Variants in KCNV2 observed in about 807,000 individuals in gnomAD.
KCNV2 encodes the protein potassium voltage-gated channel subfamily V member 2.
KCNV2 carries 65 observed loss-of-function variants against 37.0 expected under a neutral mutation model. That is an observed-to-expected ratio of 1.76 (90% CI 1.44 to 2.16). The LOEUF (loss-of-function observed/expected upper bound fraction) is 2.16, where lower values mean the gene tolerates loss of function less well. Among genes scored for constraint, KCNV2 ranks in the 30% most tolerant of loss-of-function variants. The probability of loss-of-function intolerance (pLI) is 0.00; values close to 1 mark genes in which losing one functional copy is unlikely to be tolerated. For missense variants in KCNV2, 1,232 were observed against 766.7 expected (o/e 1.61, Z -7.17); for synonymous variants, 518 against 328.6 (o/e 1.58, Z -6.23).
rs755310140 is a variant in KCNV2 at position 2,718,330 on chromosome 9, C to G, written c.591C>G (p.Arg197=). ...YWGVRLKYTP[R]CCRICFEERR... ...GCGTGCGGCTCAAGTACACGCCACG[C>G]TGCTGCCGCATCTGCTTCGAGGAGC... is the stretch of plus-strand genomic sequence containing the variant. The change falls in exon 1 of 2, where the codon CGC becomes CGG. Residue 197 remains arginine (R), a synonymous_variant. Transcript: ENST00000382082. 3.1e-6 allele frequency: 5 copies of G among 1,603,766 alleles called. No individual in the cohort carries two copies. The African/African-American group carries it at 4.0e-5, about 13-fold the overall frequency.
In KCNV2 at chr9:2,729,666, A is replaced by C. The variant is rs1820033366; in HGVS notation, c.1577A>C (p.Lys526Thr). 2.5e-6 allele frequency: 4 copies of C among 1,614,060 alleles called. No homozygotes were observed. Among genetic ancestry groups the C allele is most frequent in the Non-Finnish European group, 1.7e-6 (2 of 1,180,024 alleles). Residue 526 changes from lysine to threonine, a missense_variant, in exon 2 of 2, where the codon AAG (lysine) becomes ACG (threonine). By Grantham distance (78) the Lys-to-Thr change is moderately conservative. Coordinates refer to ENST00000382082, the MANE Select transcript of KCNV2 (RefSeq NM_133497.4). ...GTGAACTTCATGCAGAGAGCCAGAA[A>C]GAAGATAGCTGAGTGTTTGCTTGGA... The part of the protein sequence containing the change: ...GEVNFMQRAR[K>T]KIAECLLGSN...
chr9:2,725,495 G>A (rs934602870), intron 1 of KCNV2, among the ~76,000 whole-genome samples: 3 of 152,198 alleles, frequency 2.0e-5, no homozygotes, highest in Non-Finnish European at 2.9e-5. Context: ...AACCATCAAG[G>A]TGGATATGAC....
chr9:2,721,940 T>C (rs999195955), intron 1 of KCNV2, among the ~76,000 whole-genome samples: 3 of 151,948 alleles, frequency 2.0e-5, no homozygotes, highest in African/African-American at 7.2e-5. Flanking sequence ...ACTGATCTAG[T>C]GGTTTCTAAG....
At chr9:2,721,042 T>A (rs1819858120) in intron 1 of KCNV2, among the ~76,000 whole-genome samples, 1 of 152,308 alleles carries the variant, frequency 6.6e-6, no homozygotes, top group East Asian at 1.9e-4. Flanking sequence ...ATGTTTTTCA[T>A]AAATTTTACA....
Position 2,717,511 on chromosome 9 carries a change from G to C in KCNV2, c.-229G>C, listed in dbSNP as rs540960018. ...TGCTTCTTCCAAATCAGCAAGATTA[G>C]AGCAGTCAACAGCTGACTGCGTTCA... is the stretch of plus-strand genomic sequence containing the variant. On this transcript the variant is annotated 5_prime_UTR_variant, in exon 1 of 2. Transcript: ENST00000382082. The C allele has an allele frequency of 1.0e-5, 6 of 585,044 alleles. No homozygotes were observed. The highest frequency in any genetic ancestry group is 5.6e-5 in the African/African-American group (3 of 53,738). 36.2% of individuals were successfully genotyped at this position (585,044 alleles called of 1,614,324 possible).
chr9:2,720,945 A>G (rs1252845829), intron 1 of KCNV2, among the ~76,000 whole-genome samples: 1 of 152,202 alleles, frequency 6.6e-6, no homozygotes, highest in Non-Finnish European at 1.5e-5. Context: ...TCTCACTTAA[A>G]TTTCTGATCT....
rs1175089913 is a variant in KCNV2 at position 2,718,371 on chromosome 9, G to T, written c.632G>T (p.Ser211Ile). ...TTCGAGGAGCGGCGCGACGAGCTGA[G>T]CGAACGGCTCAAGATCCAGCACGAG... ...ICFEERRDELSERLKIQHELR... is the reference protein window; with the variant it reads ...ICFEERRDELIERLKIQHELR... The change falls in exon 1 of 2, where the codon AGC (serine) becomes ATC (isoleucine). Residue 211 changes from serine (S) to isoleucine (I), a missense_variant. Coordinates refer to ENST00000382082, the MANE Select transcript of KCNV2 (RefSeq NM_133497.4). 2 of 1,599,742 alleles carry T rather than the reference G, an allele frequency of 1.3e-6. No homozygotes were observed. Among genetic ancestry groups the T allele is most frequent in the Non-Finnish European group, 1.7e-6 (2 of 1,174,806 alleles).
At position 2,719,111 on chromosome 9, in the gene KCNV2, C is replaced by T. The variant is rs750825755; in HGVS notation, c.1356+16C>T. ...GTGGGCCGCGGTGAGTACCTTTGCC[C>T]TGGGCTTTCCCATCCTCTTCCCCAG... On this transcript the variant is annotated intron_variant, in intron 1 of 1. Coordinates refer to ENST00000382082, the MANE Select transcript of KCNV2 (RefSeq NM_133497.4). The T allele has an allele frequency of 1.1e-5, 18 of 1,605,122 alleles. No homozygotes were observed. The Middle Eastern group carries it at 8.5e-4, about 76-fold the overall frequency.
rs138861317 is a variant in KCNV2 at position 2,718,495 on chromosome 9, G to A, written c.756G>A (p.Lys252=). 174 of 1,610,946 alleles carry A rather than the reference G, an allele frequency of 1.1e-4. 1 individual carries two copies. In the African/African-American group the frequency reaches 2.1e-3, roughly 19 times the overall value. ...GCCGCCTCTGGAACCTCATGGAGAA[G>A]CCATTCTCCTCGGTGGCCGCCAAGG... ...QRRRLWNLME[K]PFSSVAAKAI... is the part of the protein sequence containing the mutation. The change falls in exon 1 of 2, where the codon AAG becomes AAA. Residue 252 remains lysine, a synonymous_variant. Coordinates refer to ENST00000382082, the MANE Select transcript of KCNV2 (RefSeq NM_133497.4).
In KCNV2 at chr9:2,718,880, C is replaced by CTCATGCGCA; in HGVS notation, c.1144_1152dup (p.Met382_Ile384dup). 4 of 1,608,918 alleles carry CTCATGCGCA rather than the reference C, an allele frequency of 2.5e-6. No individual in the cohort carries two copies. The highest frequency in any genetic ancestry group is 3.4e-6 in the Non-Finnish European group (4 of 1,179,936). On this transcript the variant is annotated inframe_insertion, in exon 1 of 2. Coordinates refer to ENST00000382082, the MANE Select transcript of KCNV2 (RefSeq NM_133497.4). ...GGGTCAGGTGTTGCGCGTCATGCGC[C>CTCATGCGCA]TCATGCGCATCTTCCGCATCCTCAA...
At position 2,729,607 on chromosome 9, in the gene KCNV2, T is replaced by C. The variant is rs548326379; in HGVS notation, c.1518T>C (p.Tyr506=). Residue 506 remains tyrosine (Y), a synonymous_variant, in exon 2 of 2, where the codon TAT becomes TAC. Coordinates refer to ENST00000382082, the MANE Select transcript of KCNV2 (RefSeq NM_133497.4). ...ATTACTACAGCAAGCTGAAGGCTTA[T>C]GAGTATACCACCATACGCAGGGAGA... ...FSDYYSKLKA[Y]EYTTIRRERG... 12 of 1,614,134 alleles carry C rather than the reference T, an allele frequency of 7.4e-6. No homozygotes were observed. Among genetic ancestry groups the C allele is most frequent in the Middle Eastern group, 1.6e-4 (1 of 6,062 alleles).
At chr9:2,720,219 G>A (rs149109807) in intron 1 of KCNV2, among the ~76,000 whole-genome samples, 2 of 152,322 alleles carry the variant, frequency 1.3e-5, no homozygotes, top group East Asian at 3.9e-4. Flanking sequence ...CACTGACAGT[G>A]CAATGCAGCA....
Position 2,718,308 on chromosome 9 carries a change from T to C in KCNV2, c.569T>C (p.Val190Ala), listed in dbSNP as rs759283660. 1.2e-6 allele frequency: 2 copies of C among 1,608,618 alleles called. No homozygotes were observed. Among genetic ancestry groups the C allele is most frequent in the South Asian group, 1.1e-5 (1 of 90,586 alleles). Residue 190 changes from valine (V) to alanine (A), a missense_variant, in exon 1 of 2, where the codon GTG becomes GCG. Transcript: ENST00000382082. ...CTGGAGGAGCTGGGCTACTGGGGCG[T>C]GCGGCTCAAGTACACGCCACGCTGC... is the stretch of plus-strand genomic sequence containing the variant. ...RFLEELGYWG[V>A]RLKYTPRCCR...
chr9:2,725,429 C>G (rs10967746), intron 1 of KCNV2, among the ~76,000 whole-genome samples: 8,133 of 152,250 alleles, frequency 0.053, 752 homozygotes, highest in African/African-American at 0.19. Flanking sequence ...TTTAAGGCTA[C>G]ATTCAGTATT....
chr9:2,728,917 G>T (rs772211637), intron 1 of KCNV2, among the ~76,000 whole-genome samples: 258 of 151,666 alleles, frequency 1.7e-3, no homozygotes, highest in Middle Eastern at 3.4e-3. Flanking sequence ...AAAAGAGAGA[G>T]AGAGAGTCTG....
At chr9:2,728,215 G>A (rs952871187) in intron 1 of KCNV2, among the ~76,000 whole-genome samples, 3 of 152,096 alleles carry the variant, frequency 2.0e-5, no homozygotes, top group Admixed American at 6.6e-5. Flanking sequence ...CTAAGCTAAC[G>A]GCCACCTCAG....
chr9:2,720,693 A>G (rs958257484), intron 1 of KCNV2, among the ~76,000 whole-genome samples: 5 of 152,230 alleles, frequency 3.3e-5, no homozygotes, highest in African/African-American at 1.2e-4. Context: ...CTATTCATCT[A>G]AACATCTTTA....
At chr9:2,727,543 C>G (rs1791024352) in intron 1 of KCNV2, among the ~76,000 whole-genome samples, 1 of 152,168 alleles carries the variant, frequency 6.6e-6, no homozygotes, top group Non-Finnish European at 1.5e-5. Context: ...AGGATATTCT[C>G]TACTGGAGCC....
chr9:2,719,213 C>G lies in KCNV2; in HGVS notation c.1356+118C>G, dbSNP rs1008177536. 6 of 1,144,036 alleles carry G rather than the reference C, an allele frequency of 5.2e-6. No individual in the cohort carries two copies. The African/African-American group carries it at 9.2e-5, about 17-fold the overall frequency. The allele number at this position is 1,144,036 out of a possible 1,614,324, so 70.9% of individuals were successfully genotyped here. ...TCTGATCCTCGTCTTCCCCCCCACC[C>G]CCAATCGCCGCATACAGCTAACAAA... On this transcript the variant is annotated intron_variant, in intron 1 of 1. Transcript: ENST00000382082.
Sources: allele counts gnomAD v4.1 joint callset (sites outside exome capture counted in the v4.1 genomes callset), GRCh38; gene constraint gnomAD v4.1.1; transcripts MANE v1.5; gene names NCBI Gene and HGNC (gene_info 2026-07-23, HGNC 2026-07-21).